Variants in BTC observed in about 807,000 individuals in gnomAD.
The protein encoded by BTC is betacellulin, also known as probetacellulin.
In BTC, 13 loss-of-function variants were observed where a neutral mutation model predicts 18.1. That is an observed-to-expected ratio of 0.72 (90% CI 0.47 to 1.14). The LOEUF is 1.14. Ranked by LOEUF, BTC falls within the 50% of genes most tolerant of loss-of-function variation. BTC has a pLI of 0.00. For missense variants in BTC, 247 were observed against 224.2 expected (o/e 1.10, Z -0.65); for synonymous variants, 83 against 79.4 (o/e 1.05, Z -0.24).
intron 5 of BTC, among the ~76,000 whole-genome samples, chr4:74,746,926 G>A (rs1309148670): frequency 6.6e-6 from 1 of 152,180 alleles, no homozygotes; most frequent in Non-Finnish European, 1.5e-5. Context: ...GGATGTAAAC[G>A]AGGAAGCTTG....
At chr4:74,756,666 C>T (rs145203552) in intron 2 of BTC, among the ~76,000 whole-genome samples, 4 of 152,340 alleles carry the variant, frequency 2.6e-5, no homozygotes, top group African/African-American at 7.2e-5. Context: ...GACTCTCAGC[C>T]TGATGCATCC....
chr4:74,763,954 G>T (rs924512799), intron 2 of BTC, among the ~76,000 whole-genome samples: 1 of 151,522 alleles, frequency 6.6e-6, no homozygotes, highest in East Asian at 1.9e-4. Flanking sequence ...TGTCAAAACA[G>T]CCCACTGTAT....
intron 1 of BTC, among the ~76,000 whole-genome samples, chr4:74,775,914 T>A (rs1577964028): frequency 6.6e-6 from 1 of 152,190 alleles, no homozygotes; most frequent in Admixed American, 6.5e-5. Flanking sequence ...AGACCCCTCA[T>A]AAGCCTTGTC....
intron 1 of BTC, among the ~76,000 whole-genome samples, chr4:74,788,340 C>T (rs28608578): frequency 0.17 from 25,581 of 152,076 alleles, 3,399 homozygotes; most frequent in African/African-American, 0.38. Flanking sequence ...TTTCCTTCAC[C>T]ACTACCAAGG....
Position 74,745,569 on chromosome 4 carries a change from A to C in BTC, c.*1108T>G, listed in dbSNP as rs187809822. On this transcript the variant is annotated 3_prime_UTR_variant, in exon 6 of 6. Coordinates refer to ENST00000395743, the MANE Select transcript of BTC (RefSeq NM_001729.4). ...TAAATATTTCATGGAGTAAAGGAGCACTTGGCAAGATGGTCCCAAGTAATA... is the reference window on the plus strand; with the variant it reads ...TAAATATTTCATGGAGTAAAGGAGCCCTTGGCAAGATGGTCCCAAGTAATA... The C allele has an allele frequency of 2.0e-5, 3 of 152,332 alleles. No individual in the cohort carries two copies. Among genetic ancestry groups the C allele is most frequent in the Admixed American group, 6.5e-5 (1 of 15,300 alleles). The allele number at this position is 152,332 out of a possible 1,614,324, so 9.4% of individuals were successfully genotyped here.
intron 2 of BTC, among the ~76,000 whole-genome samples, chr4:74,760,555 C>T (rs868979859): frequency 6.6e-6 from 1 of 152,160 alleles, no homozygotes; most frequent in Non-Finnish European, 1.5e-5. Flanking sequence ...TGAAGAAATA[C>T]AAACTTTGAA....
chr4:74,787,153 G>A (rs7658200), intron 1 of BTC, among the ~76,000 whole-genome samples: 31,853 of 151,904 alleles, frequency 0.21, 6,170 homozygotes, highest in African/African-American at 0.52. Flanking sequence ...ACAGTCTTGC[G>A]AAGACGAAAA....
chr4:74,789,921 G>C (rs994766822), intron 1 of BTC, among the ~76,000 whole-genome samples: 17 of 152,200 alleles, frequency 1.1e-4, no homozygotes, highest in Non-Finnish European at 2.5e-4. Context: ...GTGCAGTAAA[G>C]CTCTTCATTG....
chr4:74,751,686 A>C (rs1553956209), intron 3 of BTC, among the ~76,000 whole-genome samples: 5 of 152,210 alleles, frequency 3.3e-5, no homozygotes. Flanking sequence ...CTAACAACTC[A>C]GTGATTTGAG....
chr4:74,754,323 T>TA (rs1553956491), intron 3 of BTC, among the ~76,000 whole-genome samples: 2 of 152,178 alleles, frequency 1.3e-5, no homozygotes, highest in South Asian at 2.1e-4. Context: ...GACACTGAAA[T>TA]ACAAAAATGA....
At chr4:74,751,550 C>T (rs565334999) in intron 3 of BTC, among the ~76,000 whole-genome samples, 1 of 152,296 alleles carries the variant, frequency 6.6e-6, no homozygotes, top group African/African-American at 2.4e-5. Flanking sequence ...TCATTTCCCT[C>T]ATTCTCTCAG....
At chr4:74,789,171 G>A (rs938600141) in intron 1 of BTC, among the ~76,000 whole-genome samples, 3 of 152,172 alleles carry the variant, frequency 2.0e-5, no homozygotes, top group African/African-American at 2.4e-5. Context: ...CCCTGCCATC[G>A]TGGAGCTTAC....
chr4:74,751,343 T>C (rs1316443728), intron 3 of BTC, among the ~76,000 whole-genome samples: 1 of 152,100 alleles, frequency 6.6e-6, no homozygotes, highest in Non-Finnish European at 1.5e-5. Context: ...GGTCATGCCC[T>C]TCTATTACTC....
At chr4:74,791,925 G>A (rs2109925116) in intron 1 of BTC, among the ~76,000 whole-genome samples, 1 of 151,284 alleles carries the variant, frequency 6.6e-6, no homozygotes, top group African/African-American at 2.4e-5. Context: ...TGGAACCAGG[G>A]CTCATGTCTG....
chr4:74,750,743 G>A, intron 3 of BTC, 24 bp from the exon 4 acceptor site: 3 of 1,601,036 alleles, frequency 1.9e-6, no homozygotes, highest in Non-Finnish European at 2.5e-6. Context: ...CGAGGGCAAG[G>A]AAGTAAAACT....
intron 2 of BTC, among the ~76,000 whole-genome samples, chr4:74,764,186 A>C (rs1255900248): frequency 2.0e-5 from 3 of 152,078 alleles, no homozygotes; most frequent in Non-Finnish European, 4.4e-5. Flanking sequence ...ATAAATGTAA[A>C]AGCTAAAAAT....
intron 1 of BTC, among the ~76,000 whole-genome samples, chr4:74,787,359 G>T (rs2109919967): frequency 6.6e-6 from 1 of 152,226 alleles, no homozygotes; most frequent in Non-Finnish European, 1.5e-5. Flanking sequence ...ATGGTTATTT[G>T]ACCTTGTTTA....
At chr4:74,780,963 G>A (rs1577967111) in intron 1 of BTC, among the ~76,000 whole-genome samples, 2 of 151,240 alleles carry the variant, frequency 1.3e-5, no homozygotes, top group East Asian at 3.9e-4. Flanking sequence ...CAATGTGAGA[G>A]TTTCGTATTT....
At chr4:74,763,985 TTG>T (rs72416691) in intron 2 of BTC, among the ~76,000 whole-genome samples, 34,911 of 151,372 alleles carry the variant, frequency 0.23, 5,207 homozygotes, top group African/African-American at 0.43. Flanking sequence ...TGTATAATTA[TTG>T]TGTTAATTAA....
Sources: gnomAD v4.1 joint callset for allele counts (sites outside exome capture counted in the v4.1 genomes callset) on GRCh38, gnomAD v4.1.1 for gene constraint, MANE v1.5 for transcripts, NCBI Gene and HGNC (gene_info 2026-07-23, HGNC 2026-07-21) for gene names.